The following RANBP2 variants were observed in gnomAD, a reference collection of about 807,000 sequenced individuals.
RANBP2 encodes the protein E3 SUMO-protein ligase RanBP2.
RANBP2 carries 57 observed loss-of-function variants against 303.6 expected under a neutral mutation model. The observed-to-expected ratio is 0.19, with a 90% CI of 0.15 to 0.23. RANBP2 has a LOEUF of 0.23. RANBP2 is among the 10% of genes least tolerant of loss of function. RANBP2 has a pLI of 1.00. For missense variants in RANBP2, 3,138 were observed against 3,780.8 expected, an observed-to-expected ratio of 0.83 and a Z score of 4.46; for synonymous variants, 1,167 against 1,301.5, an observed-to-expected ratio of 0.90 and a Z score of 2.23.
chr2:109,397,394 T>C, the RANBP2 span, among the ~76,000 whole-genome samples: 2 of 152,164 alleles, frequency 1.3e-5, no homozygotes, highest in African/African-American at 2.4e-5. Context: ...GTAGCAATCA[T>C]CCCATGATGA....
chr2:108,918,787 G>A, the RANBP2 span, among the ~76,000 whole-genome samples: 7 of 152,234 alleles, frequency 4.6e-5, 1 homozygote, highest in African/African-American at 1.7e-4. Flanking sequence ...ACACAATTTA[G>A]AATCTCACCA....
rs182412123 is a variant in RANBP2, at chr2:108,757,652, A to G, written c.2467-761A>G. ...AGCTAATTTGGGGAGGTAACGCGGA[A>G]TGTCAGGTAGTCCAGATTGCAGTGC... On this transcript the variant is annotated intron_variant, in intron 17 of 28. Transcript: ENST00000283195. Among the ~76,000 whole-genome samples, 5 of 152,334 alleles carry G rather than the reference A, an allele frequency of 3.3e-5. No individual in the cohort carries two copies. The East Asian group carries it at 7.7e-4, about 23-fold the overall frequency.
chr2:108,794,704 A>G, the RANBP2 span: 4 of 1,612,508 alleles, frequency 2.5e-6, no homozygotes, highest in Non-Finnish European at 3.4e-6. Context: ...ATTATTTCAG[A>G]TACATCTGAA....
the RANBP2 span, chr2:109,251,701 T>G: frequency 1.1e-6 from 1 of 907,642 alleles, no homozygotes; most frequent in Admixed American, 2.1e-5. Context: ...AGGTTCTATT[T>G]TACTATGATG....
At chr2:108,923,324 G>C in the RANBP2 span, 1 of 1,580,760 alleles carries the variant, frequency 6.3e-7, no homozygotes, top group Non-Finnish European at 8.7e-7. Context: ...AAAGGGATCC[G>C]TGCTGAACAA....
chr2:109,125,867 A>G, the RANBP2 span, among the ~76,000 whole-genome samples: 1 of 152,258 alleles, frequency 6.6e-6, no homozygotes, highest in Non-Finnish European at 1.5e-5. Context: ...AGCACAGTGT[A>G]CTTGGCTACT....
chr2:109,054,751 C>A, the RANBP2 span, among the ~76,000 whole-genome samples: 1 of 151,894 alleles, frequency 6.6e-6, no homozygotes, highest in African/African-American at 2.4e-5. Flanking sequence ...ATGTATACAC[C>A]TGTGTCACCT....
chr2:109,236,871 A>G, the RANBP2 span, among the ~76,000 whole-genome samples: 2 of 152,206 alleles, frequency 1.3e-5, no homozygotes, highest in South Asian at 4.1e-4. Flanking sequence ...GAAACGCTGC[A>G]GTGACCTGTA....
At chr2:109,083,435 C>T in the RANBP2 span, among the ~76,000 whole-genome samples, 1 of 152,194 alleles carries the variant, frequency 6.6e-6, no homozygotes, top group Non-Finnish European at 1.5e-5. Flanking sequence ...GCATCACGGC[C>T]TCCAGCTTCA....
chr2:109,089,978 A>T, the RANBP2 span, among the ~76,000 whole-genome samples: 1 of 152,140 alleles, frequency 6.6e-6, no homozygotes, highest in South Asian at 2.1e-4. Flanking sequence ...TGGCAGTTCA[A>T]ATTATTATTT....
chr2:109,736,858 C>T, the RANBP2 span, among the ~76,000 whole-genome samples: 2 of 152,016 alleles, frequency 1.3e-5, no homozygotes, highest in South Asian at 2.1e-4. Flanking sequence ...CTCCCTTCAG[C>T]CCACACCTCC....
chr2:109,747,586 T>C, the RANBP2 span, among the ~76,000 whole-genome samples: 5 of 150,904 alleles, frequency 3.3e-5, no homozygotes, highest in Non-Finnish European at 1.5e-5. Flanking sequence ...CCGTCTCTAC[T>C]AAAAATATAA....
chr2:109,585,220 C>T, the RANBP2 span: 1 of 1,612,840 alleles, frequency 6.2e-7, no homozygotes, highest in Non-Finnish European at 8.5e-7. Flanking sequence ...TATGTCTGAG[C>T]TTTAAGTTTA....
the RANBP2 span, among the ~76,000 whole-genome samples, chr2:109,166,041 AC>A: frequency 6.6e-6 from 1 of 151,980 alleles, no homozygotes. Context: ...GTAGATACAT[AC>A]CTTGGTGAGC....
chr2:109,162,047 A>G, the RANBP2 span, among the ~76,000 whole-genome samples: 1 of 152,114 alleles, frequency 6.6e-6, no homozygotes, highest in Admixed American at 6.6e-5. Context: ...TGTCCTCAGG[A>G]TCTAGAGGGA....
At chr2:109,683,467 C>T in the RANBP2 span, among the ~76,000 whole-genome samples, 1 of 152,144 alleles carries the variant, frequency 6.6e-6, no homozygotes, top group African/African-American at 2.4e-5. Context: ...GAGGAAGTTT[C>T]CCAGCTGCAA....
chr2:109,211,151 A>G, the RANBP2 span, among the ~76,000 whole-genome samples: 6 of 152,118 alleles, frequency 3.9e-5, no homozygotes, highest in African/African-American at 9.7e-5. Flanking sequence ...AATTAAGCAC[A>G]ATTAAAGGAG....
the RANBP2 span, among the ~76,000 whole-genome samples, chr2:109,383,689 G>A: frequency 6.6e-6 from 1 of 152,074 alleles, no homozygotes; most frequent in Non-Finnish European, 1.5e-5. Flanking sequence ...GCTTCATTTC[G>A]TTGCTGCTCA....
chr2:109,078,673 T>C, the RANBP2 span, among the ~76,000 whole-genome samples: 1 of 150,350 alleles, frequency 6.7e-6, no homozygotes, highest in Admixed American at 6.6e-5. Context: ...CTAAGTATTC[T>C]CACCACACAC....
Sources: gnomAD v4.1 joint callset for allele counts (sites outside exome capture counted in the v4.1 genomes callset) on GRCh38, gnomAD v4.1.1 for gene constraint, MANE v1.5 for transcripts, NCBI Gene and HGNC (gene_info 2026-07-23, HGNC 2026-07-21) for gene names.